GALNT11: variants seen among roughly 807,000 people sequenced by gnomAD.
GALNT11 encodes UDP-GalNAc:polypeptide N-acetylgalactosaminyltransferase 11.
Under a neutral mutation model 72.7 loss-of-function variants are expected in GALNT11, and 47 were observed. The observed-to-expected ratio is 0.65, with a 90% CI of 0.51 to 0.82. The LOEUF is 0.82. Ranked by LOEUF, GALNT11 falls within the 40% of genes least tolerant of loss-of-function variation. The probability of loss-of-function intolerance (pLI) is 0.00; values close to 1 mark genes in which losing one functional copy is unlikely to be tolerated. For synonymous variants in GALNT11, 270 were observed against 286.6 expected, an observed-to-expected ratio of 0.94 and a Z score of 0.58; for missense variants, 677 against 778.4, an observed-to-expected ratio of 0.87 and a Z score of 1.55.
intron 2 of GALNT11, among the ~76,000 whole-genome samples, chr7:152,099,950 T>TA (rs1270671159): frequency 7.1e-6 from 1 of 140,962 alleles, no homozygotes; most frequent in Non-Finnish European, 1.6e-5. Flanking sequence ...CTGGCTAATT[T>TA]TTTTTTTTTT....
rs1441302966 is a variant in GALNT11, at chr7:152,121,613, A to C, written c.1763A>C (p.Lys588Thr). The C allele has an allele frequency of 1.2e-6, 2 of 1,614,222 alleles. No individual in the cohort carries two copies. The highest frequency in any genetic ancestry group is 1.7e-6 in the Non-Finnish European group (2 of 1,180,028). Residue 588 changes from lysine to threonine, a missense_variant, in exon 12 of 12, where the codon AAG becomes ACG. Coordinates refer to ENST00000430044, the MANE Select transcript of GALNT11 (RefSeq NM_022087.4). ...AGAGCAGTGGATCCCCTGGGTCAGA[A>C]GGGCTCTGTCGCCATGGCGATCTGC... ...CLRAVDPLGQ[K>T]GSVAMAICDG...
intron 1 of GALNT11, among the ~76,000 whole-genome samples, chr7:152,030,486 T>G (rs1214798535): frequency 6.6e-6 from 1 of 152,234 alleles, no homozygotes; most frequent in Non-Finnish European, 1.5e-5. Flanking sequence ...TCATATATAA[T>G]CATCTCTATG....
At chr7:152,077,288 A>G (rs1229742858) in intron 1 of GALNT11, among the ~76,000 whole-genome samples, 2 of 152,216 alleles carry the variant, frequency 1.3e-5, no homozygotes, top group Non-Finnish European at 2.9e-5. Context: ...AACATAGTAA[A>G]GAATTACTGG....
chr7:152,034,069 T>A (rs1241508372), intron 1 of GALNT11, among the ~76,000 whole-genome samples: 1 of 152,212 alleles, frequency 6.6e-6, no homozygotes, highest in African/African-American at 2.4e-5. Context: ...GAAAGGGACA[T>A]GTACCCTAGT....
In GALNT11 at chr7:152,103,265, T is replaced by A. The variant is rs372490641; in HGVS notation, c.573T>A (p.Asp191Glu). Residue 191 changes from aspartate (D) to glutamate (E), a missense_variant, in exon 4 of 12, where the codon GAT (aspartate) becomes GAA (glutamate). Coordinates refer to ENST00000430044, the MANE Select transcript of GALNT11 (RefSeq NM_022087.4). ...TTCATGAGATCATCCTTGTGGATGATGATAGTGACTTTGGTAAGGAATGCT... is the reference window on the plus strand; with the variant it reads ...TTCATGAGATCATCCTTGTGGATGAAGATAGTGACTTTGGTAAGGAATGCT... ...HLLHEIILVD[D>E]DSDFDDLKGE... 2.5e-6 allele frequency: 4 copies of A among 1,612,468 alleles called. No homozygotes were observed. The highest frequency in any genetic ancestry group is 3.4e-6 in the Non-Finnish European group (4 of 1,178,760).
chr7:152,026,898 T>C (rs1157567040), intron 1 of GALNT11, among the ~76,000 whole-genome samples: 1 of 152,218 alleles, frequency 6.6e-6, no homozygotes, highest in African/African-American at 2.4e-5. Context: ...TCAGGATCTC[T>C]TGAGGGCAGT....
chr7:152,092,455 A>G (rs769883782), intron 1 of GALNT11, among the ~76,000 whole-genome samples: 57 of 151,986 alleles, frequency 3.8e-4, no homozygotes, highest in Non-Finnish European at 6.6e-4. Flanking sequence ...CCTTTGTACT[A>G]TTGTCATTTC....
At chr7:152,085,511 T>TA (rs2085586608) in intron 1 of GALNT11, among the ~76,000 whole-genome samples, 1 of 152,194 alleles carries the variant, frequency 6.6e-6, no homozygotes, top group Non-Finnish European at 1.5e-5. Flanking sequence ...AAGGCCTGGG[T>TA]AATTGCCTTT....
intron 1 of GALNT11, among the ~76,000 whole-genome samples, chr7:152,066,178 G>A (rs1010238212): frequency 1.3e-5 from 2 of 152,202 alleles, no homozygotes; most frequent in South Asian, 2.1e-4. Flanking sequence ...CTTGCAGTTC[G>A]ATCTCAGACT....
Position 152,094,565 on chromosome 7 carries a change from A to T in GALNT11, c.295+43A>T. 6.6e-7 allele frequency: 1 copy of T among 1,524,160 alleles called. No homozygotes were observed. Among genetic ancestry groups the T allele is most frequent in the South Asian group, 1.3e-5 (1 of 77,590 alleles). 94.4% of individuals were successfully genotyped at this position (1,524,160 alleles called of 1,614,324 possible). On this transcript the variant is annotated intron_variant, in intron 2 of 11. Transcript: ENST00000430044. This position sits in a 1 kb window ranked among gnomAD's most constrained non-coding sequence, Gnocchi z 4.3. ...ACCAGCATCCATATCAATGTATTTA[A>T]TCACTGGAAGTTTGATTAATTAGTT...
At chr7:152,056,457 T>C (rs917907291) in intron 1 of GALNT11, among the ~76,000 whole-genome samples, 1 of 152,150 alleles carries the variant, frequency 6.6e-6, no homozygotes. Flanking sequence ...GAGTAGAGTA[T>C]AGAAAGTGGA....
intron 1 of GALNT11, among the ~76,000 whole-genome samples, chr7:152,063,557 G>A (rs1452201985): frequency 2.0e-5 from 3 of 152,102 alleles, no homozygotes; most frequent in Non-Finnish European, 4.4e-5. Context: ...GTATGTTAGG[G>A]TGTCAATTTT....
chr7:152,087,733 G>C (rs2085739007), intron 1 of GALNT11, among the ~76,000 whole-genome samples: 1 of 152,224 alleles, frequency 6.6e-6, no homozygotes, highest in African/African-American at 2.4e-5. Flanking sequence ...CACAGTCCTT[G>C]TGAAGACTAT....
chr7:152,035,159 C>T (rs1184358722), intron 1 of GALNT11, among the ~76,000 whole-genome samples: 1 of 152,166 alleles, frequency 6.6e-6, no homozygotes, highest in East Asian at 1.9e-4. Flanking sequence ...GTTAGGCCTG[C>T]TAGTCTGAGG....
intron 4 of GALNT11, 52 bp from the exon 5 acceptor site, chr7:152,105,193 G>A (rs1563074875): frequency 4.5e-6 from 7 of 1,564,232 alleles, no homozygotes; most frequent in African/African-American, 4.1e-5. Flanking sequence ...GCTGTAAAGT[G>A]TCTTTATATA....
At chr7:152,093,980 G>A (rs1432571687) in intron 1 of GALNT11, 1 of 396,690 alleles carries the variant, frequency 2.5e-6, no homozygotes, top group Non-Finnish European at 4.4e-6. Context: ...ACTGCCGTTG[G>A]TTCTCTGAGC....
At chr7:152,034,127 G>C (rs1459008302) in intron 1 of GALNT11, among the ~76,000 whole-genome samples, 1 of 152,184 alleles carries the variant, frequency 6.6e-6, no homozygotes, top group Non-Finnish European at 1.5e-5. Flanking sequence ...ATAACCGATA[G>C]CCCAGGGGTT....
At chr7:152,065,827 T>C (rs986850226) in intron 1 of GALNT11, among the ~76,000 whole-genome samples, 15 of 152,180 alleles carry the variant, frequency 9.9e-5, no homozygotes, top group Non-Finnish European at 2.9e-5. Context: ...GGTACCCAGC[T>C]ATGTGGGGTG....
At chr7:152,087,134 T>C (rs532909686) in intron 1 of GALNT11, among the ~76,000 whole-genome samples, 1 of 152,340 alleles carries the variant, frequency 6.6e-6, no homozygotes, top group East Asian at 1.9e-4. Flanking sequence ...GCTTACTTCC[T>C]GGTATGGGAG....
Sources: gnomAD v4.1 joint callset for allele counts (sites outside exome capture counted in the v4.1 genomes callset) on GRCh38, gnomAD v4.1.1 for gene constraint, Gnocchi (gnomAD v3.1) non-coding constraint, MANE v1.5 for transcripts, NCBI Gene and HGNC (gene_info 2026-07-23, HGNC 2026-07-21) for gene names.